The following BRCA1 variants were observed in gnomAD, a reference collection of about 807,000 sequenced individuals.
The protein encoded by BRCA1 is breast cancer type 1 susceptibility protein.
Under a neutral mutation model 173.7 loss-of-function variants are expected in BRCA1, and 140 were observed. That is an observed-to-expected ratio of 0.81 (90% CI 0.70 to 0.93). The LOEUF (loss-of-function observed/expected upper bound fraction) is 0.93, where lower values mean the gene tolerates loss of function less well. BRCA1 is among the 40% of genes least tolerant of loss of function. The pLI is 0.00. For synonymous variants in BRCA1, 662 were observed against 756.0 expected, an observed-to-expected ratio of 0.88 and a Z score of 2.04; for missense variants, 1,983 against 2,172.5, an observed-to-expected ratio of 0.91 and a Z score of 1.73.
chr17:43,169,582 G>C (rs901001827), intron 1 of BRCA1, among the ~76,000 whole-genome samples: 1 of 151,924 alleles, frequency 6.6e-6, no homozygotes, highest in East Asian at 1.9e-4. Flanking sequence ...TGCTTCCCTC[G>C]AGACCTACAA....
chr17:43,131,046 A>G (rs1009992836), intron 1 of BRCA1, among the ~76,000 whole-genome samples: 2 of 152,208 alleles, frequency 1.3e-5, no homozygotes, highest in Admixed American at 1.3e-4. Flanking sequence ...TGTTGCAGAT[A>G]TTAACCCTTT....
chr17:43,047,445 C>T (rs2050962520), intron 22 of BRCA1, among the ~76,000 whole-genome samples, 198 bp downstream of exon 22: 1 of 151,976 alleles, frequency 6.6e-6, no homozygotes, highest in Admixed American at 6.6e-5. Context: ...TACTCCCACC[C>T]CATGGAAACA....
intron 3 of BRCA1, among the ~76,000 whole-genome samples, chr17:43,111,562 T>C (rs1244042896): frequency 7.0e-6 from 1 of 143,194 alleles, no homozygotes; most frequent in Non-Finnish European, 1.5e-5. Context: ...TGGCTCACAC[T>C]TGTAATCCCA....
chr17:43,091,223 G>T, intron 10 of BRCA1, 191 bp from the exon 11 acceptor site: 1 of 851,022 alleles, frequency 1.2e-6, no homozygotes, highest in Non-Finnish European at 1.9e-6. Context: ...CAGTAATTAG[G>T]ATGTTAAAGC....
In BRCA1 at chr17:43,091,272, CT is replaced by C. The variant is rs1429354918; in HGVS notation, c.4096+162del. On this transcript the variant is annotated intron_variant, in intron 10 of 22. Coordinates refer to ENST00000357654, the MANE Select transcript of BRCA1 (RefSeq NM_007294.4). ...GATGACGTCCTAGCTGTGTGAAGGA[CT>C]TTTTTCTATGAAAAGCACCTTAGGA... 1.6e-5 allele frequency: 16 copies of C among 1,026,052 alleles called. 1 individual carries two copies. In the South Asian group the frequency reaches 1.9e-4, roughly 12 times the overall value. 63.6% of individuals were successfully genotyped at this position (1,026,052 alleles called of 1,614,324 possible).
intron 5 of BRCA1, among the ~76,000 whole-genome samples, chr17:43,104,567 C>T (rs2054655415): frequency 6.6e-6 from 1 of 152,060 alleles, no homozygotes; most frequent in African/African-American, 2.4e-5. Context: ...ATGTAAGTTG[C>T]ACTATTATTT....
Position 43,092,764 on chromosome 17 carries a change from C to T in BRCA1, c.2767G>A (p.Val923Ile), listed in dbSNP as rs1324340897. 1.2e-6 allele frequency: 2 copies of T among 1,614,106 alleles called. No individual in the cohort carries two copies. Among genetic ancestry groups the T allele is most frequent in the South Asian group, 2.2e-5 (2 of 91,082 alleles). ...ACAGGAAAGCCTGCAGTGATATTAA[C>T]TGTCTGTACAGGCTTGATATTAGAC... ...NESNIKPVQT[V>I]NITAGFPVVG... Residue 923 changes from valine to isoleucine, a missense_variant, in exon 10 of 23, where the codon GTT becomes ATT. Val to Ile is a conservative substitution (Grantham distance 29, BLOSUM62 3). Transcript: ENST00000357654.
chr17:43,126,301 G>A (rs1044492636), upstream of BRCA1, among the ~76,000 whole-genome samples: 6 of 152,250 alleles, frequency 3.9e-5, no homozygotes, highest in South Asian at 4.1e-4. Flanking sequence ...TGAGGGACAA[G>A]TGGTAAGAGC....
At chr17:43,084,446 G>GT (rs1567784638) in intron 11 of BRCA1, among the ~76,000 whole-genome samples, 3 of 152,196 alleles carry the variant, frequency 2.0e-5, no homozygotes, top group Non-Finnish European at 2.9e-5. Flanking sequence ...GATTACAGAC[G>GT]TGAGTCACTG....
intron 1 of BRCA1, among the ~76,000 whole-genome samples, chr17:43,134,126 C>T (rs984610668): frequency 6.6e-6 from 1 of 152,160 alleles, no homozygotes; most frequent in African/African-American, 2.4e-5. Flanking sequence ...GTCCCTTGAC[C>T]CTTTGCAGGT....
At chr17:43,102,428 C>T (rs1401975197) in intron 6 of BRCA1, among the ~76,000 whole-genome samples, 1 of 142,446 alleles carries the variant, frequency 7.0e-6, no homozygotes, top group Admixed American at 7.3e-5. Context: ...GCAATCTCGG[C>T]TCACTGCAAC....
intron 1 of BRCA1, chr17:43,168,098 T>C: frequency 3.8e-6 from 1 of 262,402 alleles, no homozygotes; most frequent in South Asian, 4.0e-5. Flanking sequence ...CTATGTAAGG[T>C]CAATTCTGTT....
chr17:43,126,737 C>T (rs571793842), upstream of BRCA1, among the ~76,000 whole-genome samples: 5 of 152,274 alleles, frequency 3.3e-5, no homozygotes, highest in Non-Finnish European at 7.4e-5. Flanking sequence ...TCCATTCTGG[C>T]CGTGCTGGAG....
At position 43,139,329 on chromosome 17, in the gene BRCA1, C is replaced by T. The variant is rs1208764991; in HGVS notation, c.-19-15214G>A. Among the ~76,000 whole-genome samples the T allele has an allele frequency of 1.3e-4, 20 of 149,640 alleles. 1 individual carries two copies. The highest frequency in any genetic ancestry group is 3.9e-4 in the African/African-American group (16 of 40,622). On this transcript the variant is annotated intron_variant, in intron 1 of 7. Coordinates refer to the BRCA1 transcript ENST00000634433. ...CATGGGTTTGTTGTACAGATTATTT[C>T]GTCACCCAGGCACTAGGCCTAATAC...
chr17:43,135,228 A>T (rs1322536108), intron 1 of BRCA1, among the ~76,000 whole-genome samples: 1 of 152,246 alleles, frequency 6.6e-6, no homozygotes, highest in Non-Finnish European at 1.5e-5. Flanking sequence ...CCGTTGCTTC[A>T]GCCTCGGTCC....
chr17:43,165,714 G>A (rs773333814), intron 1 of BRCA1: 2 of 149,576 alleles, frequency 1.3e-5, no homozygotes, highest in Non-Finnish European at 3.0e-5. Flanking sequence ...TATAAATTCC[G>A]CCCCCCCTTT....
chr17:43,136,566 A>C (rs2056025846), intron 1 of BRCA1, among the ~76,000 whole-genome samples: 1 of 152,222 alleles, frequency 6.6e-6, no homozygotes. Flanking sequence ...AGAATCTACA[A>C]AGAACTTAAA....
intron 19 of BRCA1, among the ~76,000 whole-genome samples, chr17:43,053,866 G>A (rs1258386410): frequency 6.6e-6 from 1 of 151,910 alleles, no homozygotes; most frequent in African/African-American, 2.4e-5. Context: ...CTACTTAGGA[G>A]GCTGAGGCAG....
intron 1 of BRCA1, among the ~76,000 whole-genome samples, chr17:43,151,023 G>A (rs1487158808): frequency 6.6e-6 from 1 of 152,144 alleles, no homozygotes; most frequent in African/African-American, 2.4e-5. Flanking sequence ...GAATAGTTGG[G>A]TGGGTGGGGC....
Sources: allele counts gnomAD v4.1 joint callset (sites outside exome capture counted in the v4.1 genomes callset), GRCh38; gene constraint gnomAD v4.1.1; transcripts MANE v1.5; gene names NCBI Gene and HGNC (gene_info 2026-07-23, HGNC 2026-07-21).